TNKS: variants seen among roughly 807,000 people sequenced by gnomAD.
TNKS encodes the protein poly [ADP-ribose] polymerase tankyrase-1.
In TNKS, 72 loss-of-function variants were observed where a neutral mutation model predicts 135.8. The ratio of observed to expected loss-of-function variants is 0.53; its 90% confidence interval spans 0.44 to 0.64. TNKS has a LOEUF of 0.64. Among genes scored for constraint, TNKS ranks in the 30% least tolerant of loss-of-function variants. The pLI is 0.00. For synonymous variants in TNKS, 849 were observed against 649.3 expected (o/e 1.31, Z -4.68); for missense variants, 1,769 against 1,674.0 (o/e 1.06, Z -0.99).
At chr8:9,713,972 A>C (rs1451106611) in intron 11 of TNKS, among the ~76,000 whole-genome samples, 1 of 152,188 alleles carries the variant, frequency 6.6e-6, no homozygotes, top group East Asian at 1.9e-4. Flanking sequence ...ATTAGGATTC[A>C]GCCCTCTTCC....
At chr8:9,654,465 T>G (rs1042788691) in intron 3 of TNKS, among the ~76,000 whole-genome samples, 1 of 152,234 alleles carries the variant, frequency 6.6e-6, no homozygotes, top group African/African-American at 2.4e-5. Context: ...AATTTCAGCA[T>G]TAATGTTTAA....
At chr8:9,573,070 G>C (rs1395451521) in intron 1 of TNKS, among the ~76,000 whole-genome samples, 2 of 151,568 alleles carry the variant, frequency 1.3e-5, no homozygotes, top group Non-Finnish European at 2.9e-5. Flanking sequence ...TCATATTTTA[G>C]ATTCTAGTTT....
At chr8:9,644,465 C>T (rs1800839510) in intron 3 of TNKS, among the ~76,000 whole-genome samples, 1 of 152,124 alleles carries the variant, frequency 6.6e-6, no homozygotes, top group Admixed American at 6.6e-5. Flanking sequence ...CCTATATTTT[C>T]ACTACTTCAT....
intron 2 of TNKS, among the ~76,000 whole-genome samples, chr8:9,588,528 G>A (rs934599944): frequency 7.9e-5 from 12 of 152,110 alleles, no homozygotes; most frequent in East Asian, 1.9e-4. Flanking sequence ...CGCCCACCTC[G>A]GCGTTCCAAA....
At chr8:9,691,372 T>C (rs1031536766) in intron 5 of TNKS, among the ~76,000 whole-genome samples, 2 of 152,232 alleles carry the variant, frequency 1.3e-5, no homozygotes, top group Admixed American at 1.3e-4. Flanking sequence ...ACTGTCATTA[T>C]TGATAGAGTT....
chr8:9,664,368 A>T (rs1236776093), intron 3 of TNKS, among the ~76,000 whole-genome samples: 1 of 152,202 alleles, frequency 6.6e-6, no homozygotes, highest in African/African-American at 2.4e-5. Flanking sequence ...ACTCACTCAC[A>T]CTTCCTCCCC....
chr8:9,755,358 G>A (rs1019890311), intron 20 of TNKS, among the ~76,000 whole-genome samples: 2 of 151,910 alleles, frequency 1.3e-5, no homozygotes, highest in Non-Finnish European at 1.5e-5. Flanking sequence ...TTTTCTTTTA[G>A]CCAGAATAAT....
intron 5 of TNKS, among the ~76,000 whole-genome samples, chr8:9,692,668 CA>C (rs908995840): frequency 2.0e-5 from 3 of 152,170 alleles, no homozygotes; most frequent in Non-Finnish European, 2.9e-5. Flanking sequence ...GCAGAAGAGA[CA>C]AATTGGAGGA....
In TNKS at chr8:9,752,618, A is replaced by C. The variant is rs1488655291; in HGVS notation, c.3145A>C (p.Thr1049Pro). 6.2e-7 allele frequency: 1 copy of C among 1,606,798 alleles called. No homozygotes were observed. Among genetic ancestry groups the C allele is most frequent in the Admixed American group, 1.7e-5 (1 of 59,890 alleles). Residue 1049 changes from threonine (T) to proline (P), a missense_variant, in exon 20 of 27, where the codon ACA (threonine) becomes CCA (proline). Thr to Pro is a conservative substitution (Grantham distance 38). Around this residue, in one of 5 missense-constraint regions of TNKS, gnomAD observed 722 missense variants for 688.9 expected, o/e 1.05. Coordinates refer to ENST00000310430, the MANE Select transcript of TNKS (RefSeq NM_003747.3). ...GLEHLRDIFETEQITLDVLAD... is the reference protein window; with the variant it reads ...GLEHLRDIFEPEQITLDVLAD... ...TGAACACCTTCGGGATATCTTTGAA[A>C]CAGAACAGGTAAATACTCTTGTATA...
chr8:9,699,353 T>G (rs1179632518), intron 5 of TNKS, among the ~76,000 whole-genome samples: 1 of 152,204 alleles, frequency 6.6e-6, no homozygotes, highest in Non-Finnish European at 1.5e-5. Flanking sequence ...TTTTTTTGCT[T>G]TGGATCAGGA....
intron 2 of TNKS, among the ~76,000 whole-genome samples, chr8:9,597,208 G>A (rs552844922): frequency 6.6e-5 from 10 of 152,294 alleles, no homozygotes; most frequent in Non-Finnish European, 8.8e-5. Context: ...TAAAACGGAC[G>A]TTGGCTCTAC....
Position 9,770,127 on chromosome 8 carries a change from G to C in TNKS, c.3762G>C (p.Val1254=), listed in dbSNP as rs1563223932. 6.2e-7 allele frequency: 1 copy of C among 1,612,868 alleles called. No individual in the cohort carries two copies. Among genetic ancestry groups the C allele is most frequent in the Non-Finnish European group, 8.5e-7 (1 of 1,179,770 alleles). The part of the protein sequence containing the change: ...ICHRQMLFCR[V]TLGKSFLQFS... ...TTAGACAAATGCTCTTCTGTAGAGT[G>C]ACCCTTGGGAAATCCTTTCTGCAGT... The change falls in exon 26 of 27, where the codon GTG becomes GTC. Residue 1254 remains valine (V), a synonymous_variant. Coordinates refer to ENST00000310430, the MANE Select transcript of TNKS (RefSeq NM_003747.3).
chr8:9,675,811 G>GAAT (rs1266367155), intron 3 of TNKS, among the ~76,000 whole-genome samples: 2 of 152,058 alleles, frequency 1.3e-5, no homozygotes, highest in Non-Finnish European at 2.9e-5. Flanking sequence ...AATACTTAGT[G>GAAT]AAACCTAAGA....
intron 2 of TNKS, among the ~76,000 whole-genome samples, chr8:9,613,129 T>G (rs1303614410): frequency 3.9e-5 from 6 of 152,128 alleles, no homozygotes; most frequent in Admixed American, 3.9e-4. Context: ...CAGTTCAAAC[T>G]TGTGTTATTG....
At chr8:9,720,615 C>A (rs1165492029) in intron 12 of TNKS, 70 bp downstream of exon 12, 7 of 1,461,018 alleles carry the variant, frequency 4.8e-6, no homozygotes, top group Middle Eastern at 2.3e-4. Flanking sequence ...CACAGACAAA[C>A]TTTGCAGTGT....
intron 2 of TNKS, among the ~76,000 whole-genome samples, chr8:9,593,205 C>G (rs1798652206): frequency 6.6e-6 from 1 of 152,104 alleles, no homozygotes; most frequent in South Asian, 2.1e-4. Flanking sequence ...AGGGTTTTCC[C>G]TCGAGGCCTC....
At chr8:9,674,171 A>G (rs1316052104) in intron 3 of TNKS, among the ~76,000 whole-genome samples, 1 of 152,218 alleles carries the variant, frequency 6.6e-6, no homozygotes, top group Non-Finnish European at 1.5e-5. Flanking sequence ...ACCAATACTA[A>G]GAATCAAATA....
chr8:9,615,639 T>C lies in TNKS; in HGVS notation c.956T>C (p.Leu319Pro). 1.2e-6 allele frequency: 2 copies of C among 1,613,638 alleles called. No homozygotes were observed. The highest frequency in any genetic ancestry group is 8.5e-7 in the Non-Finnish European group (1 of 1,179,794). ...CGGAACACTGATGGGAAATCAGCCC[T>C]GGACCTGGCAGATCCTTCAGCAAAA... Reference protein sequence around the residue: ...NIRNTDGKSALDLADPSAKAV... With the variant: ...NIRNTDGKSAPDLADPSAKAV... The change falls in exon 3 of 27, where the codon CTG becomes CCG. Residue 319 changes from leucine to proline, a missense_variant. This residue lies in a region of TNKS where 523 missense variants were observed against 541.0 expected (regional missense o/e 0.97). Transcript: ENST00000310430.
rs193127211 is a variant in TNKS, at chr8:9,694,980, C to T, written c.1108-9683C>T. ...TGGTAGTTATAACTTGAAAAACTTC[C>T]CCAGCATTATCAGAGCAAGGAAACC... On this transcript the variant is annotated intron_variant, in intron 5 of 26. Transcript: ENST00000310430. 4.9e-3 allele frequency among the ~76,000 whole-genome samples: 753 copies of T among 152,158 alleles called. 10 individuals are homozygous for T. The highest frequency in any genetic ancestry group is 0.017 in the African/African-American group (691 of 41,494).
Sources: allele counts gnomAD v4.1 joint callset (sites outside exome capture counted in the v4.1 genomes callset), GRCh38; gene constraint gnomAD v4.1.1; regional missense constraint gnomAD v4.1.1; transcripts MANE v1.5; gene names NCBI Gene and HGNC (gene_info 2026-07-23, HGNC 2026-07-21).